WDR35: variants seen among roughly 807,000 people sequenced by gnomAD.
WDR35 encodes the protein WD repeat domain 35, also known as WD repeat-containing protein 35.
In WDR35, 118 loss-of-function variants were observed where a neutral mutation model predicts 158.3. The ratio of observed to expected loss-of-function variants is 0.75; its 90% CI spans 0.64 to 0.87. WDR35 has a LOEUF of 0.87. Among genes scored for constraint, WDR35 ranks in the 40% least tolerant of loss-of-function variants. WDR35 has a pLI of 0.00. For missense variants in WDR35, 1,263 were observed against 1,405.8 expected (o/e 0.90, Z 1.62); for synonymous variants, 448 against 476.1 (o/e 0.94, Z 0.77).
At chr2:19,985,071 T>C (rs552946455) in intron 2 of WDR35, among the ~76,000 whole-genome samples, 46 of 152,172 alleles carry the variant, frequency 3.0e-4, no homozygotes, top group Non-Finnish European at 5.4e-4. Context: ...CCTGGGCATA[T>C]TGGAAGGTTG....
chr2:19,976,806 C>A (rs1672230299), intron 5 of WDR35, among the ~76,000 whole-genome samples: 1 of 141,082 alleles, frequency 7.1e-6, no homozygotes, highest in Non-Finnish European at 1.5e-5. Context: ...TCTGCCTATC[C>A]CTTAAATGTT....
In WDR35 at chr2:19,941,917, T is replaced by C. The variant is rs1670890617; in HGVS notation, c.1846-78A>G. 3 of 1,065,840 alleles carry C rather than the reference T, an allele frequency of 2.8e-6. No individual in the cohort carries two copies. In the Admixed American group the frequency reaches 6.6e-5, roughly 23 times the overall value. 66.0% of individuals were successfully genotyped at this position (1,065,840 alleles called of 1,614,324 possible). ...TAACAAATCATGCTTTTAAATTTTATTATCAGAGTTTTCAGGTAAACAAAA... is the reference window on the plus strand; with the variant it reads ...TAACAAATCATGCTTTTAAATTTTACTATCAGAGTTTTCAGGTAAACAAAA... On this transcript the variant is annotated intron_variant, in intron 16 of 26. Coordinates refer to ENST00000281405, the MANE Select transcript of WDR35 (RefSeq NM_020779.4).
chr2:19,936,003 T>C (rs563064163), intron 20 of WDR35, among the ~76,000 whole-genome samples: 1 of 152,304 alleles, frequency 6.6e-6, no homozygotes, highest in African/African-American at 2.4e-5. Flanking sequence ...TGCATGGAGC[T>C]AAGTACAAGT....
chr2:19,958,682 G>A (rs1408565200), intron 11 of WDR35, among the ~76,000 whole-genome samples: 1 of 152,174 alleles, frequency 6.6e-6, no homozygotes, highest in East Asian at 1.9e-4. Context: ...GGATACAGAA[G>A]TTAATTAGAC....
intron 5 of WDR35, among the ~76,000 whole-genome samples, chr2:19,978,197 C>G (rs991786381): frequency 7.6e-5 from 7 of 91,796 alleles, no homozygotes; most frequent in African/African-American, 2.1e-4. Context: ...CACACACAGA[C>G]ACACACACAC....
chr2:19,983,895 TA>T (rs1429347100), intron 2 of WDR35, among the ~76,000 whole-genome samples: 1 of 152,112 alleles, frequency 6.6e-6, no homozygotes, highest in Non-Finnish European at 1.5e-5. Context: ...TTCATTCATT[TA>T]ATCTTTTAAA....
chr2:19,988,140 C>T (rs1473355462), intron 2 of WDR35, among the ~76,000 whole-genome samples: 1 of 152,114 alleles, frequency 6.6e-6, no homozygotes, highest in Non-Finnish European at 1.5e-5. Context: ...TTACTGGCTG[C>T]GTGACCTAGG....
chr2:19,938,199 G>A, intron 18 of WDR35, 66 bp downstream of exon 18: 1 of 1,604,294 alleles, frequency 6.2e-7, no homozygotes, highest in Non-Finnish European at 8.5e-7. Flanking sequence ...GGGGAGCAGA[G>A]GGACAAAACT....
At chr2:19,979,009 A>G (rs944086992) in intron 4 of WDR35, 130 bp from the exon 5 acceptor site, 16 of 1,145,494 alleles carry the variant, frequency 1.4e-5, no homozygotes, top group Non-Finnish European at 1.9e-5. Flanking sequence ...AACCTGAGAC[A>G]TTAAACTATA....
In WDR35 at chr2:19,989,159, A is replaced by G; in HGVS notation, c.142+6T>C. The G allele has an allele frequency of 6.2e-7, 1 of 1,613,420 alleles. No individual in the cohort carries two copies. The highest frequency in any genetic ancestry group is 8.5e-7 in the Non-Finnish European group (1 of 1,179,340). On this transcript the variant is annotated splice_donor_region_variant and intron_variant, in intron 2 of 26. Transcript: ENST00000281405. ...CTACCAAACATGTGGGCTTGCATTC[A>G]TTTACCTGTCTGCGTCTCTAATTTC... is the stretch of plus-strand genomic sequence containing the variant.
chr2:19,989,224 A>G lies in WDR35; in HGVS notation c.83T>C (p.Phe28Ser). ...QCVSWNKEQG[F>S]IACGGEDGLL... ...TCCATCTTCACCACCGCATGCTATG[A>G]ACCCTTGTTCCTTGTTCCAGGATAC... The change falls in exon 2 of 27, where the codon TTC (phenylalanine) becomes TCC (serine). Residue 28 changes from phenylalanine to serine, a missense_variant. Coordinates refer to ENST00000281405, the MANE Select transcript of WDR35 (RefSeq NM_020779.4). 6.2e-7 allele frequency: 1 copy of G among 1,614,202 alleles called. No homozygotes were observed. The highest frequency in any genetic ancestry group is 8.5e-7 in the Non-Finnish European group (1 of 1,180,054).
At chr2:19,979,446 T>C (rs1672315048) in intron 4 of WDR35, among the ~76,000 whole-genome samples, 2 of 152,182 alleles carry the variant, frequency 1.3e-5, no homozygotes, top group African/African-American at 4.8e-5. Context: ...CAGTTTATAC[T>C]ACATTAGTGA....
intron 11 of WDR35, among the ~76,000 whole-genome samples, chr2:19,954,484 A>T (rs1002373641): frequency 6.6e-6 from 1 of 152,234 alleles, no homozygotes; most frequent in African/African-American, 2.4e-5. Context: ...ATAAAGACAA[A>T]TAGCCCAATT....
At position 19,982,505 on chromosome 2, in the gene WDR35, G is replaced by A; in HGVS notation, c.172C>T (p.Pro58Ser). ...DDAKLRGLAA[P>S]SNLSMNQTLE... ...GTCTGATTCATAGAAAGGTTACTGG[G>A]GGCTGCAAGGCCCCTCAATTTTGCA... The change falls in exon 3 of 27, where the codon CCC becomes TCC. Residue 58 changes from proline (P) to serine (S), a missense_variant. By Grantham distance (74) the Pro-to-Ser change is moderately conservative. Coordinates refer to ENST00000281405, the MANE Select transcript of WDR35 (RefSeq NM_020779.4). 6.2e-7 allele frequency: 1 copy of A among 1,613,756 alleles called. No individual in the cohort carries two copies. Among genetic ancestry groups the A allele is most frequent in the African/African-American group, 1.3e-5 (1 of 75,010 alleles).
chr2:19,929,016 C>T (rs1373588678), intron 25 of WDR35, among the ~76,000 whole-genome samples: 2 of 152,068 alleles, frequency 1.3e-5, no homozygotes, highest in South Asian at 4.2e-4. Flanking sequence ...ACCGTGTTAG[C>T]CGGGATGCTC....
At chr2:19,955,142 G>A (rs1267300374) in intron 11 of WDR35, among the ~76,000 whole-genome samples, 1 of 151,998 alleles carries the variant, frequency 6.6e-6, no homozygotes, top group Admixed American at 6.6e-5. Context: ...TAGTAGAGAC[G>A]GGGTTTCACC....
At chr2:19,987,917 T>C (rs1558365386) in intron 2 of WDR35, among the ~76,000 whole-genome samples, 1 of 150,704 alleles carries the variant, frequency 6.6e-6, no homozygotes, top group Non-Finnish European at 1.5e-5. Flanking sequence ...CGTATATATA[T>C]ATCTATATAC....
Position 19,911,973 on chromosome 2 carries a change from T to C in WDR35, c.*1585A>G, listed in dbSNP as rs1445091214. ...CCTTCTATAGAGCAAGTGTACATCG[T>C]TGGCCTCAGGCACATTTCATCTGAT... is the stretch of plus-strand genomic sequence containing the variant. On this transcript the variant is annotated 3_prime_UTR_variant, in exon 27 of 27. Transcript: ENST00000281405. The C allele has an allele frequency of 1.3e-5, 2 of 152,082 alleles. No individual in the cohort carries two copies. Among genetic ancestry groups the C allele is most frequent in the South Asian group, 2.1e-4 (1 of 4,834 alleles). 9.4% of individuals were successfully genotyped at this position (152,082 alleles called of 1,614,324 possible).
chr2:19,974,164 ACTTT>A (rs1385256416), intron 7 of WDR35, among the ~76,000 whole-genome samples: 1 of 152,154 alleles, frequency 6.6e-6, no homozygotes, highest in Admixed American at 6.5e-5. Context: ...TAATCCCAGC[ACTTT>A]GGGAGGCTGA....
Sources: gnomAD v4.1 joint callset for allele counts (sites outside exome capture counted in the v4.1 genomes callset) on GRCh38, gnomAD v4.1.1 for gene constraint, MANE v1.5 for transcripts, NCBI Gene and HGNC (gene_info 2026-07-23, HGNC 2026-07-21) for gene names.